Variants in PUDP observed in about 807,000 individuals in gnomAD.
The protein encoded by PUDP is pseudouridine 5'-phosphatase.
PUDP carries 8 observed loss-of-function variants against 9.4 expected under a neutral mutation model. The ratio of observed to expected loss-of-function variants is 0.85; its 90% CI spans 0.50 to 1.53. PUDP has a LOEUF of 1.53. PUDP is among the 40% of genes most tolerant of loss of function. The pLI, the probability that PUDP is intolerant of heterozygous loss-of-function variation, is 0.00. For synonymous variants in PUDP, 99 were observed against 80.7 expected, an observed-to-expected ratio of 1.23 and a Z score of -1.22; for missense variants, 188 against 189.7, an observed-to-expected ratio of 0.99 and a Z score of 0.05.
chrX:6,743,070 C>A (rs1482337818), intron 3 of PUDP, among the ~76,000 whole-genome samples: 1 of 112,038 alleles, frequency 8.9e-6, no homozygotes, highest in Non-Finnish European at 1.9e-5. Flanking sequence ...GTAGGGGAAA[C>A]TGGATGAAGA....
intron 2 of PUDP, among the ~76,000 whole-genome samples, chrX:7,078,884 C>A (rs1472380581): frequency 9.0e-6 from 1 of 111,424 alleles, no homozygotes; most frequent in Admixed American, 9.5e-5. Flanking sequence ...GTCTAACATT[C>A]AATCAAAAAT....
At chrX:7,117,014 C>G (rs1424185746) in intron 1 of PUDP, 2 of 1,167,298 alleles carry the variant, frequency 1.7e-6, no homozygotes, top group Non-Finnish European at 1.1e-6. Flanking sequence ...GAAGCAGCTG[C>G]CACTATGCTT....
intron 3 of PUDP, among the ~76,000 whole-genome samples, chrX:6,911,258 T>C (rs6639705): frequency 0.28 from 29,829 of 106,703 alleles, 3,460 homozygotes; most frequent in Admixed American, 0.39. Context: ...TGCAATGGTA[T>C]GATCTCAGCT....
chrX:7,072,445 A>G (rs899077175), intron 3 of PUDP, among the ~76,000 whole-genome samples: 2 of 112,137 alleles, frequency 1.8e-5, no homozygotes, highest in African/African-American at 6.5e-5. Flanking sequence ...TTAAAACCTG[A>G]AATTCAGCTC....
At chrX:6,757,396 T>G (rs1321957965) in intron 3 of PUDP, among the ~76,000 whole-genome samples, 3 of 108,308 alleles carry the variant, frequency 2.8e-5, no homozygotes, top group African/African-American at 1.0e-4. Flanking sequence ...GGATGAAAAA[T>G]GGAAGGAAAA....
At chrX:7,056,010 C>T (rs1930232532) in intron 3 of PUDP, among the ~76,000 whole-genome samples, 1 of 111,193 alleles carries the variant, frequency 9.0e-6, no homozygotes, top group African/African-American at 3.3e-5. Flanking sequence ...CTCATGCTTC[C>T]TTTTAAGCAC....
At chrX:6,763,839 T>C (rs1602610268) in intron 3 of PUDP, among the ~76,000 whole-genome samples, 7 of 112,139 alleles carry the variant, frequency 6.2e-5, no homozygotes, top group Admixed American at 5.7e-4. Flanking sequence ...AAGGCATAGA[T>C]ACCTTGTTCA....
At chrX:6,834,950 G>A (rs1229552619) in intron 3 of PUDP, among the ~76,000 whole-genome samples, 1 of 111,124 alleles carries the variant, frequency 9.0e-6, no homozygotes, top group African/African-American at 3.3e-5. Flanking sequence ...TTAAGTTTCC[G>A]ACACATGCTT....
At chrX:7,031,518 G>A (rs1209349165) in intron 1 of PUDP, among the ~76,000 whole-genome samples, 1 of 111,799 alleles carries the variant, frequency 8.9e-6, no homozygotes, top group Admixed American at 9.5e-5. Context: ...AAAGCCACAA[G>A]GACAGCCAGT....
chrX:6,878,228 T>C (rs1386639458), intron 3 of PUDP, among the ~76,000 whole-genome samples: 1 of 111,351 alleles, frequency 9.0e-6, no homozygotes, highest in Non-Finnish European at 1.9e-5. Flanking sequence ...GTGTTAACTT[T>C]TGTTGTGTAA....
chrX:6,941,932 C>T (rs1029246233), intron 3 of PUDP, among the ~76,000 whole-genome samples: 17 of 111,767 alleles, frequency 1.5e-4, no homozygotes, highest in African/African-American at 5.5e-4. Context: ...CATTATCTTA[C>T]GTGAAACAAC....
At chrX:6,746,659 A>G (rs922468853) in intron 3 of PUDP, among the ~76,000 whole-genome samples, 2 of 110,451 alleles carry the variant, frequency 1.8e-5, no homozygotes, top group African/African-American at 3.3e-5. Flanking sequence ...AAGTGAGAAC[A>G]TGTGGTGTTT....
intron 2 of PUDP, among the ~76,000 whole-genome samples, chrX:6,978,043 T>C (rs760961649): frequency 1.8e-5 from 2 of 112,413 alleles, no homozygotes; most frequent in Non-Finnish European, 3.7e-5. Context: ...AAGTGGTACA[T>C]GGCACTGATG....
intron 3 of PUDP, among the ~76,000 whole-genome samples, chrX:6,909,032 T>A (rs957125763): frequency 1.8e-5 from 2 of 111,600 alleles, no homozygotes; most frequent in African/African-American, 6.5e-5. Flanking sequence ...TGTATCAGTA[T>A]CTCTGATCCA....
At chrX:6,737,363 G>C (rs1431751385) in intron 3 of PUDP, among the ~76,000 whole-genome samples, 1 of 112,273 alleles carries the variant, frequency 8.9e-6, no homozygotes, top group Non-Finnish European at 1.9e-5. Flanking sequence ...CATTAGAGGG[G>C]AGTAGCTAGT....
intron 1 of PUDP, among the ~76,000 whole-genome samples, chrX:7,016,361 T>A (rs1198597963): frequency 1.1e-4 from 12 of 110,422 alleles, no homozygotes; most frequent in Non-Finnish European, 1.9e-4. Context: ...GAAGTTCATA[T>A]GAGAATCTCT....
chrX:7,078,132 C>T (rs958264766), intron 2 of PUDP, among the ~76,000 whole-genome samples: 1 of 111,856 alleles, frequency 8.9e-6, no homozygotes, highest in Non-Finnish European at 1.9e-5. Context: ...CACGGATTAA[C>T]TACAGGGACC....
chrX:6,910,319 C>G (rs776214818), intron 3 of PUDP, among the ~76,000 whole-genome samples: 49 of 112,030 alleles, frequency 4.4e-4, no homozygotes, highest in Non-Finnish European at 7.3e-4. Flanking sequence ...GCAGATTAAA[C>G]TTGGCCCTGT....
At chrX:7,089,565 A>C (rs1931364021) in intron 2 of PUDP, among the ~76,000 whole-genome samples, 1 of 110,355 alleles carries the variant, frequency 9.1e-6, no homozygotes. Flanking sequence ...TCTTCGTTTT[A>C]TCCTGCCTTT....
Sources: gnomAD v4.1 joint callset for allele counts (sites outside exome capture counted in the v4.1 genomes callset) on GRCh38, gnomAD v4.1.1 for gene constraint, MANE v1.5 for transcripts, NCBI Gene and HGNC (gene_info 2026-07-23, HGNC 2026-07-21) for gene names.